The following MYRIP variants were observed in gnomAD, a reference collection of about 807,000 sequenced individuals.
The protein encoded by MYRIP is myosin VIIA and Rab interacting protein, also known as rab effector MyRIP.
Under a neutral mutation model 98.0 loss-of-function variants are expected in MYRIP, and 49 were observed. The ratio of observed to expected loss-of-function variants is 0.50; its 90% CI spans 0.40 to 0.63. The LOEUF (loss-of-function observed/expected upper bound fraction) is 0.63, where lower values mean the gene tolerates loss of function less well. MYRIP is among the 30% of genes least tolerant of loss of function. The pLI is 0.00. For synonymous variants in MYRIP, 404 were observed against 409.5 expected, an observed-to-expected ratio of 0.99 and a Z score of 0.16; for missense variants, 1,004 against 1,058.2, an observed-to-expected ratio of 0.95 and a Z score of 0.71.
intron 10 of MYRIP, among the ~76,000 whole-genome samples, chr3:40,192,197 T>A (rs1951233351): frequency 6.7e-6 from 1 of 149,402 alleles, no homozygotes; most frequent in African/African-American, 2.5e-5. Context: ...GCTCAAACGA[T>A]CCTTCTACTC....
chr3:40,182,323 C>G lies in MYRIP; in HGVS notation c.977C>G (p.Ala326Gly). 6.2e-7 allele frequency: 1 copy of G among 1,613,886 alleles called. No homozygotes were observed. ...QPRDQGQHPR[A>G]ESALPSWKSV... ...AGGGACCAAGGCCAACACCCGAGAG[C>G]AGAGTCTGCTCTGCCCAGCTGGAAG... The change falls in exon 9 of 17, where the codon GCA becomes GGA. Residue 326 changes from alanine to glycine, a missense_variant. Ala to Gly is a moderately conservative substitution (Grantham distance 60). Coordinates refer to ENST00000302541, the MANE Select transcript of MYRIP (RefSeq NM_015460.4).
intron 2 of MYRIP, chr3:39,970,159 G>A (rs1945545676): frequency 6.6e-6 from 1 of 151,986 alleles, no homozygotes; most frequent in Non-Finnish European, 1.5e-5. Flanking sequence ...TAGCCAATGA[G>A]GTTTATCTGA....
intron 5 of MYRIP, among the ~76,000 whole-genome samples, chr3:40,164,794 A>G (rs1950469200): frequency 6.6e-6 from 1 of 152,172 alleles, no homozygotes; most frequent in African/African-American, 2.4e-5. Flanking sequence ...AAGAATTATA[A>G]TCATAGCATC....
chr3:40,168,617 G>A (rs1014879929), intron 7 of MYRIP, among the ~76,000 whole-genome samples: 6 of 152,332 alleles, frequency 3.9e-5, no homozygotes, highest in African/African-American at 1.4e-4. Context: ...TCAAGCTATG[G>A]GTTGGGACAA....
At chr3:39,966,075 A>G (rs1328103738) in intron 2 of MYRIP, among the ~76,000 whole-genome samples, 2 of 152,154 alleles carry the variant, frequency 1.3e-5, no homozygotes, top group African/African-American at 4.8e-5. Context: ...TAAGGCAGAC[A>G]GGTGGCTACT....
rs568127303 is a variant in MYRIP, at chr3:39,859,871, T to C, written c.-30-40916T>C. The stretch of plus-strand genomic sequence containing the variant: ...TAGAAGAAAATGTACCCCAAAATAA[T>C]AGAAGCCATATATAACAAGCCCACA... On this transcript the variant is annotated intron_variant, in intron 1 of 16. Coordinates refer to ENST00000302541, the MANE Select transcript of MYRIP (RefSeq NM_015460.4). Among the ~76,000 whole-genome samples the C allele has an allele frequency of 3.3e-5, 5 of 152,182 alleles. No individual in the cohort carries two copies. In the East Asian group the frequency reaches 7.7e-4, roughly 24 times the overall value.
chr3:39,971,406 C>T (rs922395627), intron 2 of MYRIP, among the ~76,000 whole-genome samples: 1 of 151,958 alleles, frequency 6.6e-6, no homozygotes, highest in African/African-American at 2.4e-5. Context: ...TATGACCTCT[C>T]ACAGTTACAA....
At chr3:39,912,185 A>C (rs957406668) in intron 2 of MYRIP, among the ~76,000 whole-genome samples, 1 of 152,034 alleles carries the variant, frequency 6.6e-6, no homozygotes, top group African/African-American at 2.4e-5. Context: ...GTGTGGGCCT[A>C]AGACTTAGGA....
chr3:40,046,578 C>T (rs1947672868), intron 3 of MYRIP, among the ~76,000 whole-genome samples: 1 of 146,678 alleles, frequency 6.8e-6, no homozygotes, highest in Admixed American at 6.9e-5. Flanking sequence ...AGATGGAACT[C>T]AGTTGGAGAG....
At chr3:39,938,037 G>A (rs1190310058) in intron 2 of MYRIP, among the ~76,000 whole-genome samples, 1 of 152,156 alleles carries the variant, frequency 6.6e-6, no homozygotes, top group African/African-American at 2.4e-5. Context: ...CTAGGAGAAA[G>A]CAGGAAGCTT....
intron 2 of MYRIP, among the ~76,000 whole-genome samples, chr3:39,953,992 A>G (rs1262090016): frequency 6.6e-6 from 1 of 152,182 alleles, no homozygotes; most frequent in African/African-American, 2.4e-5. Flanking sequence ...AGGCTTGAGT[A>G]GGTAAACAAA....
At chr3:40,095,541 TG>T (rs1948809557) in intron 3 of MYRIP, among the ~76,000 whole-genome samples, 1 of 152,242 alleles carries the variant, frequency 6.6e-6, no homozygotes, top group East Asian at 1.9e-4. Flanking sequence ...AAGGTAGTCA[TG>T]GGGGGAGAAT....
chr3:39,881,648 A>C (rs1943157370), intron 1 of MYRIP, among the ~76,000 whole-genome samples: 1 of 152,056 alleles, frequency 6.6e-6, no homozygotes, highest in African/African-American at 2.4e-5. Context: ...TTAAATCCAG[A>C]GCCTCTCTAG....
At chr3:40,252,515 C>T (rs755138808) in intron 16 of MYRIP, among the ~76,000 whole-genome samples, 42 of 152,144 alleles carry the variant, frequency 2.8e-4, no homozygotes, top group Non-Finnish European at 4.6e-4. Context: ...GACATAGCAC[C>T]GTAAGGGAAA....
Position 40,151,122 on chromosome 3 carries a change from A to G in MYRIP, c.407A>G (p.Lys136Arg), listed in dbSNP as rs774041930. ...CGCTTCAAGCGCTTTGGCAGTGCCA[A>G]GGTTCTGAAGAACCTGTACAGGAAG... The part of the protein sequence containing the change: ...KSRFKRFGSA[K>R]VLKNLYRKHR... Residue 136 changes from lysine to arginine, a missense_variant, in exon 4 of 17, where the codon AAG becomes AGG. This residue lies in a region of MYRIP where 880 missense variants were observed against 907.7 expected (regional missense o/e 0.97). Coordinates refer to ENST00000302541, the MANE Select transcript of MYRIP (RefSeq NM_015460.4). The G allele has an allele frequency of 6.2e-7, 1 of 1,611,724 alleles. No individual in the cohort carries two copies. Among genetic ancestry groups the G allele is most frequent in the Non-Finnish European group, 8.5e-7 (1 of 1,178,846 alleles).
chr3:39,829,818 G>T (rs924454747), intron 1 of MYRIP, among the ~76,000 whole-genome samples: 1 of 152,060 alleles, frequency 6.6e-6, no homozygotes. Context: ...CTTTATTTTA[G>T]GGGCCTGGCA....
At chr3:39,960,559 T>G (rs1945297868) in intron 2 of MYRIP, among the ~76,000 whole-genome samples, 1 of 152,180 alleles carries the variant, frequency 6.6e-6, no homozygotes, top group African/African-American at 2.4e-5. Context: ...AAGAATTGAT[T>G]CAGCTTTGCA....
intron 11 of MYRIP, among the ~76,000 whole-genome samples, chr3:40,231,926 A>G (rs1952671815): frequency 6.6e-6 from 1 of 152,180 alleles, no homozygotes; most frequent in Non-Finnish European, 1.5e-5. Context: ...CCTTTCTAAA[A>G]CAGACCTAAG....
At chr3:39,980,163 G>A (rs956746039) in intron 2 of MYRIP, among the ~76,000 whole-genome samples, 1 of 41,046 alleles carries the variant, frequency 2.4e-5, no homozygotes, top group East Asian at 4.3e-4. Flanking sequence ...GAATGCTCTC[G>A]GGAAGAGGAG....
Sources: gnomAD v4.1 joint callset for allele counts (sites outside exome capture counted in the v4.1 genomes callset) on GRCh38, gnomAD v4.1.1 for gene constraint, gnomAD v4.1.1 regional missense constraint, MANE v1.5 for transcripts, NCBI Gene and HGNC (gene_info 2026-07-23, HGNC 2026-07-21) for gene names.